CLASP2: variants seen among roughly 807,000 people sequenced by gnomAD.
CLASP2 encodes the protein CLIP-associating protein 2.
A neutral mutation model predicts 194.4 loss-of-function variants in CLASP2; 47 were observed. The ratio of observed to expected loss-of-function variants is 0.24; its 90% confidence interval spans 0.19 to 0.31. CLASP2 has a LOEUF of 0.31. CLASP2 is among the 10% of genes least tolerant of loss of function. CLASP2 has a pLI of 1.00. For synonymous variants in CLASP2, 619 were observed against 633.5 expected, an observed-to-expected ratio of 0.98 and a Z score of 0.34; for missense variants, 1,445 against 1,823.6, an observed-to-expected ratio of 0.79 and a Z score of 3.78.
At position 33,619,383 on chromosome 3, in the gene CLASP2, C is replaced by A. The variant is rs976044087; in HGVS notation, c.1317+220G>T. 2.6e-5 allele frequency among the ~76,000 whole-genome samples: 4 copies of A among 152,086 alleles called. No homozygotes were observed. In the East Asian group the frequency reaches 7.7e-4, roughly 29 times the overall value. ...GTATGTATTTTATTCCATATACAAA[C>A]ATGTTTACTTTGCAATCCTCTAGTT... On this transcript the variant is annotated intron_variant, in intron 12 of 38. Coordinates refer to ENST00000682230, the MANE Select transcript of CLASP2 (RefSeq NM_001365631.1).
At chr3:33,518,044 C>T (rs953735143) in intron 34 of CLASP2, among the ~76,000 whole-genome samples, 1 of 152,206 alleles carries the variant, frequency 6.6e-6, no homozygotes, top group Admixed American at 6.5e-5. Flanking sequence ...CATACCACTC[C>T]TTCCATGGGG....
chr3:33,644,941 A>C (rs1225858650), intron 7 of CLASP2, 38 bp from the exon 8 acceptor site: 9 of 1,554,926 alleles, frequency 5.8e-6, no homozygotes, highest in Non-Finnish European at 7.8e-6. Context: ...TAAGAGAACT[A>C]AGCTTTGTTC....
At chr3:33,583,898 AAAG>A (rs1172119872) in intron 22 of CLASP2, among the ~76,000 whole-genome samples, 1 of 152,208 alleles carries the variant, frequency 6.6e-6, no homozygotes, top group African/African-American at 2.4e-5. Flanking sequence ...ATAAAGCAGA[AAAG>A]AAGGAAGAGA....
In CLASP2 at chr3:33,560,881, G is replaced by A; in HGVS notation, c.2857C>T (p.Leu953=). Residue 953 remains leucine, a synonymous_variant, in exon 28 of 39, where the codon CTA becomes TTA. Transcript: ENST00000682230. ...AAATCAGCACCCATTTTTTTTAGTA[G>A]TTGTGTCAGCAGTACAAACAACCAA... The part of the protein sequence containing the change: ...QDWLFVLLTQ[L]LKKMGADLLG... 1.2e-6 allele frequency: 2 copies of A among 1,613,878 alleles called. No homozygotes were observed. Among genetic ancestry groups the A allele is most frequent in the Non-Finnish European group, 1.7e-6 (2 of 1,179,822 alleles).
chr3:33,516,753 T>C (rs989809190), intron 35 of CLASP2, among the ~76,000 whole-genome samples: 1 of 152,196 alleles, frequency 6.6e-6, no homozygotes, highest in African/African-American at 2.4e-5. Flanking sequence ...AACATGTACT[T>C]TTCTATAAGA....
intron 7 of CLASP2, among the ~76,000 whole-genome samples, chr3:33,660,766 T>C (rs1228068257): frequency 2.0e-5 from 3 of 152,258 alleles, no homozygotes; most frequent in Admixed American, 1.3e-4. Context: ...CAGCTCTTTG[T>C]GTGCATGAAC....
At chr3:33,500,095 T>G (rs192509853) in intron 38 of CLASP2, among the ~76,000 whole-genome samples, 26 of 152,224 alleles carry the variant, frequency 1.7e-4, no homozygotes, top group African/African-American at 6.0e-4. Flanking sequence ...TGCAGTGGTG[T>G]GATCACGGCT....
intron 7 of CLASP2, among the ~76,000 whole-genome samples, chr3:33,648,483 T>C (rs1255648714): frequency 1.3e-5 from 2 of 152,018 alleles, no homozygotes; most frequent in Non-Finnish European, 2.9e-5. Context: ...CAGCTTCATA[T>C]ATATAAAACA....
chr3:33,520,123 C>G (rs183889434), intron 34 of CLASP2, among the ~76,000 whole-genome samples: 1 of 152,272 alleles, frequency 6.6e-6, no homozygotes, highest in African/African-American at 2.4e-5. Context: ...AAGCCATTCT[C>G]GTGCCTCAGC....
At chr3:33,555,376 T>C (rs2060740837) in intron 29 of CLASP2, among the ~76,000 whole-genome samples, 1 of 151,906 alleles carries the variant, frequency 6.6e-6, no homozygotes, top group Admixed American at 6.6e-5. Flanking sequence ...ATTTTTTTTT[T>C]TTTTTTTGAG....
chr3:33,660,342 G>C (rs1411404952), intron 7 of CLASP2, among the ~76,000 whole-genome samples: 2 of 152,180 alleles, frequency 1.3e-5, no homozygotes, highest in African/African-American at 2.4e-5. Flanking sequence ...TCTAACAGCA[G>C]AGCTAATTCT....
At chr3:33,532,565 GAT>G (rs2056557347) in intron 34 of CLASP2, among the ~76,000 whole-genome samples, 1 of 152,170 alleles carries the variant, frequency 6.6e-6, no homozygotes, top group Non-Finnish European at 1.5e-5. Context: ...TTGGAAAAAA[GAT>G]ATTATTGGGA....
chr3:33,585,693 G>A (rs2067204384), intron 21 of CLASP2, among the ~76,000 whole-genome samples: 1 of 151,942 alleles, frequency 6.6e-6, no homozygotes, highest in African/African-American at 2.4e-5. Flanking sequence ...AATGTACACT[G>A]TACCCAATAC....
chr3:33,710,716 C>T (rs1205977969), intron 1 of CLASP2, among the ~76,000 whole-genome samples: 1 of 152,234 alleles, frequency 6.6e-6, no homozygotes, highest in Non-Finnish European at 1.5e-5. Context: ...AGGCGGATCA[C>T]CACAGGTCAG....
chr3:33,527,873 G>A (rs1428649867), intron 34 of CLASP2, among the ~76,000 whole-genome samples: 1 of 152,094 alleles, frequency 6.6e-6, no homozygotes, highest in Non-Finnish European at 1.5e-5. Context: ...TGAGGCAGGA[G>A]AATTACTTGA....
chr3:33,645,083 C>T (rs2082059314), intron 7 of CLASP2, 180 bp from the exon 8 acceptor site: 3 of 682,904 alleles, frequency 4.4e-6, no homozygotes, highest in Non-Finnish European at 7.7e-6. Flanking sequence ...AAATAATCCT[C>T]TGTAATTCAA....
In CLASP2 at chr3:33,581,805, C is replaced by T. The variant is rs1458318040; in HGVS notation, c.2347+16G>A. The T allele has an allele frequency of 3.8e-6, 6 of 1,584,812 alleles. No homozygotes were observed. Among genetic ancestry groups the T allele is most frequent in the Non-Finnish European group, 5.2e-6 (6 of 1,155,186 alleles). On this transcript the variant is annotated intron_variant, in intron 23 of 38. Transcript: ENST00000682230. ...CATGGATAAGCAATGCACATAACACCTGCCCGAATACGTACCGAGGGGCTG... is the reference window on the plus strand; with the variant it reads ...CATGGATAAGCAATGCACATAACACTTGCCCGAATACGTACCGAGGGGCTG...
At chr3:33,605,206 C>T (rs1445398164) in intron 16 of CLASP2, among the ~76,000 whole-genome samples, 1 of 152,028 alleles carries the variant, frequency 6.6e-6, no homozygotes, top group East Asian at 1.9e-4. Flanking sequence ...CAGGCCCCAC[C>T]CCAAAATTAC....
At chr3:33,565,226 TG>T (rs2062488541) in intron 27 of CLASP2, among the ~76,000 whole-genome samples, 1 of 152,134 alleles carries the variant, frequency 6.6e-6, no homozygotes. Context: ...TCACCCAGGG[TG>T]GAGTGCACTG....
Sources: gnomAD v4.1 joint callset for allele counts (sites outside exome capture counted in the v4.1 genomes callset) on GRCh38, gnomAD v4.1.1 for gene constraint, MANE v1.5 for transcripts, NCBI Gene and HGNC (gene_info 2026-07-23, HGNC 2026-07-21) for gene names.